Variants in SLC7A2 observed in about 807,000 individuals in gnomAD.
The protein encoded by SLC7A2 is solute carrier family 7 member 2, also known as cationic amino acid transporter 2.
SLC7A2 carries 48 observed loss-of-function variants against 58.9 expected under a neutral mutation model. The observed-to-expected ratio is 0.82, with a 90% CI of 0.65 to 1.04. SLC7A2 has a LOEUF of 1.04. Among genes scored for constraint, SLC7A2 ranks in the 50% least tolerant of loss-of-function variants. The pLI, the probability that SLC7A2 is intolerant of heterozygous loss-of-function variation, is 0.00. For missense variants in SLC7A2, 1,029 were observed against 818.8 expected (o/e 1.26, Z -3.13); for synonymous variants, 363 against 314.5 (o/e 1.15, Z -1.63).
intron 8 of SLC7A2, among the ~76,000 whole-genome samples, chr8:17,556,609 T>G (rs1585262399): frequency 7.0e-6 from 1 of 143,496 alleles, no homozygotes; most frequent in Admixed American, 6.8e-5. Flanking sequence ...ATATGAGCAA[T>G]GAAGAATTTT....
In SLC7A2 at chr8:17,502,271, A is replaced by C. The variant is rs912541865; in HGVS notation, c.-54A>C. On this transcript the variant is annotated 5_prime_UTR_variant, in exon 2 of 13. Transcript: ENST00000494857. ...GCTTCTCCCAGCAGGAGACTCTCTG[A>C]AGACCAGCAGGAAAGCAGTGAGCCC... 2 of 152,054 alleles carry C rather than the reference A, an allele frequency of 1.3e-5. No homozygotes were observed. Among genetic ancestry groups the C allele is most frequent in the Middle Eastern group, 3.2e-3 (1 of 316 alleles). The allele number at this position is 152,054 out of a possible 1,614,324, so 9.4% of individuals were successfully genotyped here. A position where few individuals can be genotyped will look rare whatever the true frequency, so the allele number is the denominator to read the frequency against.
chr8:17,540,114 T>TCTGCTAAGCACTGCATGATACAC (rs1427283127), intron 2 of SLC7A2, among the ~76,000 whole-genome samples: 1 of 152,208 alleles, frequency 6.6e-6, no homozygotes, highest in Non-Finnish European at 1.5e-5. Flanking sequence ...ACTTTCTTCA[T>TCTGCTAAGCACTGCATGATACAC]CTGCTAAGCA....
At chr8:17,518,655 A>C (rs1475392585) in intron 2 of SLC7A2, among the ~76,000 whole-genome samples, 1 of 152,102 alleles carries the variant, frequency 6.6e-6, no homozygotes, top group African/African-American at 2.4e-5. Context: ...CAAACAAAGA[A>C]GCTTTATTTT....
rs976250451 is a variant in SLC7A2, at chr8:17,544,264, C to G, written c.377-187C>G. 1.2e-4 allele frequency among the ~76,000 whole-genome samples: 19 copies of G among 152,296 alleles called. 1 individual carries two copies. In the East Asian group the frequency reaches 3.3e-3, roughly 26 times the overall value. On this transcript the variant is annotated intron_variant, in intron 3 of 12. Transcript: ENST00000494857. The stretch of plus-strand genomic sequence containing the variant: ...TAATTCTTTATTGCAAATAAAGTTA[C>G]CTGATTCCAGAGTTATGGATTTGAA...
At chr8:17,552,262 C>T (rs1378718277) in intron 7 of SLC7A2, among the ~76,000 whole-genome samples, 1 of 152,118 alleles carries the variant, frequency 6.6e-6, no homozygotes, top group East Asian at 1.9e-4. Context: ...CACACACACA[C>T]ACAAATATAT....
intron 4 of SLC7A2, among the ~76,000 whole-genome samples, chr8:17,545,538 C>T (rs894526761): frequency 6.0e-5 from 9 of 150,404 alleles, no homozygotes; most frequent in African/African-American, 2.0e-4. Flanking sequence ...GCTGGGACTA[C>T]AGGTGCGCGC....
At position 17,530,938 on chromosome 8, in the gene SLC7A2, CATTA is replaced by C. The variant is rs1482879619; in HGVS notation, c.-22-12376_-22-12373del. 4.6e-5 allele frequency among the ~76,000 whole-genome samples: 7 copies of C among 152,158 alleles called. No homozygotes were observed. The South Asian group carries it at 6.2e-4, about 14-fold the overall frequency. Reference sequence around the variant, plus strand: ...TATATAATAATTTAAATTTAATAAGCATTAATTGTTATTTTAAAGTATGCTGATA... The same window carrying C: ...TATATAATAATTTAAATTTAATAAGCATTGTTATTTTAAAGTATGCTGATA... On this transcript the variant is annotated intron_variant, in intron 2 of 12. Transcript: ENST00000494857.
upstream of SLC7A2, among the ~76,000 whole-genome samples, chr8:17,494,252 A>G (rs1461589016): frequency 2.0e-5 from 3 of 152,196 alleles, no homozygotes; most frequent in Non-Finnish European, 2.9e-5. Flanking sequence ...GTATTTGGCA[A>G]GTGTGGGAGT....
intron 2 of SLC7A2, among the ~76,000 whole-genome samples, chr8:17,517,366 A>T (rs1800844196): frequency 6.6e-6 from 1 of 152,222 alleles, no homozygotes; most frequent in Admixed American, 6.5e-5. Flanking sequence ...CAAGAATATG[A>T]AGAGAATCAA....
chr8:17,518,975 A>G (rs942962981), intron 2 of SLC7A2, among the ~76,000 whole-genome samples: 3 of 152,132 alleles, frequency 2.0e-5, no homozygotes, highest in African/African-American at 7.2e-5. Context: ...TGGTAGAGAG[A>G]GAACACCAGC....
intron 9 of SLC7A2, among the ~76,000 whole-genome samples, chr8:17,559,821 C>T (rs1196072657): frequency 6.6e-6 from 1 of 152,076 alleles, no homozygotes; most frequent in Admixed American, 6.5e-5. Flanking sequence ...AGGAAAATGA[C>T]ATGCAATGGG....
chr8:17,549,366 C>T (rs1452725369), intron 5 of SLC7A2, among the ~76,000 whole-genome samples: 1 of 152,200 alleles, frequency 6.6e-6, no homozygotes, highest in Non-Finnish European at 1.5e-5. Flanking sequence ...TCCCAGATTC[C>T]CTTCAAACTT....
intron 5 of SLC7A2, 78 bp downstream of exon 5, chr8:17,548,921 C>T: frequency 2.5e-6 from 3 of 1,211,110 alleles, no homozygotes; most frequent in Non-Finnish European, 3.5e-6. Flanking sequence ...TTCATTTTTA[C>T]TCTGCTAATA....
At chr8:17,534,172 C>T (rs1208641245) in intron 2 of SLC7A2, among the ~76,000 whole-genome samples, 1 of 152,102 alleles carries the variant, frequency 6.6e-6, no homozygotes, top group East Asian at 1.9e-4. Flanking sequence ...TATTGATGGG[C>T]ACAGGCTATT....
chr8:17,517,063 A>G (rs561415314), intron 2 of SLC7A2, among the ~76,000 whole-genome samples: 1 of 152,326 alleles, frequency 6.6e-6, no homozygotes, highest in East Asian at 1.9e-4. Context: ...TTCTATACGA[A>G]AAGTTCAAAT....
Position 17,543,544 on chromosome 8 carries a change from G to A in SLC7A2, c.205G>A (p.Val69Met), listed in dbSNP as rs761652013. 16 of 1,612,432 alleles carry A rather than the reference G, an allele frequency of 9.9e-6. No individual in the cohort carries two copies. Among genetic ancestry groups the A allele is most frequent in the Middle Eastern group, 1.6e-4 (1 of 6,074 alleles). Residue 69 changes from valine to methionine, a missense_variant, in exon 3 of 13, where the codon GTG becomes ATG. Val to Met is a conservative substitution (Grantham distance 21). Transcript: ENST00000494857. ...CAAGGCAGACTCGGGCCCCAGCATCGTGGTGTCCTTCCTCATTGCTGCCCT... is the reference window on the plus strand; with the variant it reads ...CAAGGCAGACTCGGGCCCCAGCATCATGGTGTCCTTCCTCATTGCTGCCCT... ...VAKADSGPSI[V>M]VSFLIAALAS...
At chr8:17,512,984 C>G (rs1800665842) in intron 2 of SLC7A2, among the ~76,000 whole-genome samples, 2 of 152,156 alleles carry the variant, frequency 1.3e-5, no homozygotes, top group Admixed American at 6.5e-5. Flanking sequence ...TATTTTAAGG[C>G]TGAATAATAG....
intron 2 of SLC7A2, among the ~76,000 whole-genome samples, chr8:17,519,899 T>C (rs1800947175): frequency 6.6e-6 from 1 of 152,190 alleles, no homozygotes; most frequent in Non-Finnish European, 1.5e-5. Context: ...CTGCTTCTTC[T>C]TCTGTGAACC....
chr8:17,559,250 A>C (rs1429186657), intron 9 of SLC7A2, among the ~76,000 whole-genome samples: 1 of 152,216 alleles, frequency 6.6e-6, no homozygotes, highest in African/African-American at 2.4e-5. Flanking sequence ...TAATAAAGAC[A>C]TACCCAAGAC....
Sources: gnomAD v4.1 joint callset for allele counts (sites outside exome capture counted in the v4.1 genomes callset) on GRCh38, gnomAD v4.1.1 for gene constraint, MANE v1.5 for transcripts, NCBI Gene and HGNC (gene_info 2026-07-23, HGNC 2026-07-21) for gene names.